The following CRYGA variants were observed in gnomAD, a reference collection of about 807,000 sequenced individuals.
CRYGA encodes gamma-crystallin A.
Under a neutral mutation model 13.8 loss-of-function variants are expected in CRYGA, and 11 were observed. That is an observed-to-expected ratio of 0.80 (90% CI 0.50 to 1.32). The LOEUF (loss-of-function observed/expected upper bound fraction) is 1.32, where lower values mean the gene tolerates loss of function less well. Ranked by LOEUF, CRYGA falls within the 40% of genes most tolerant of loss-of-function variation. The probability of loss-of-function intolerance (pLI) is 0.00; values close to 1 mark genes in which losing one functional copy is unlikely to be tolerated. For missense variants in CRYGA, 271 were observed against 234.1 expected, an observed-to-expected ratio of 1.16 and a Z score of -1.03; for synonymous variants, 97 against 89.3, an observed-to-expected ratio of 1.09 and a Z score of -0.48.
chr2:208,161,028 G>T lies in CRYGA; in HGVS notation c.301C>A (p.Leu101Ile). The change falls in exon 3 of 3, where the codon CTT (leucine) becomes ATT (isoleucine). Residue 101 changes from leucine (L) to isoleucine (I), a missense_variant. Transcript: ENST00000304502. ...RLYERDDYRG[L>I]MSELTDDCAC... is the part of the protein sequence containing the mutation. ...CAGTCATCAGTGAGCTCAGACATAA[G>T]GCCTCGGTAGTCATCTCTCTCGTAC... 1 of 1,614,116 alleles carries T rather than the reference G, an allele frequency of 6.2e-7. No individual in the cohort carries two copies.
At chr2:208,161,334 G>A (rs899158321) in intron 2 of CRYGA, among the ~76,000 whole-genome samples, 7 of 151,058 alleles carry the variant, frequency 4.6e-5, no homozygotes, top group Admixed American at 2.0e-4. Flanking sequence ...TGTGACACCC[G>A]GCTAATTTAT....
At position 208,163,428 on chromosome 2, in the gene CRYGA, G is replaced by A. The variant is rs146865595; in HGVS notation, c.28C>T (p.Arg10Ter). 3.0e-5 allele frequency: 48 copies of A among 1,613,568 alleles called. No homozygotes were observed. The African/African-American group carries it at 5.4e-4, about 18-fold the overall frequency. MGKITFYED[R>*]DFQGRCYNCI... ...TTGTAGCAGCGACCCTGAAAGTCTCGGTCCTCGTAGAAGGTGATCTGAGGT... is the reference window on the plus strand; with the variant it reads ...TTGTAGCAGCGACCCTGAAAGTCTCAGTCCTCGTAGAAGGTGATCTGAGGT... Residue 10 changes from arginine to a stop codon, truncating the protein, a stop_gained, in exon 2 of 3, where the codon CGA becomes TGA. Coordinates refer to ENST00000304502, the MANE Select transcript of CRYGA (RefSeq NM_014617.4). LOFTEE classifies it high-confidence loss of function.
chr2:208,162,831 G>A (rs1410614681), intron 2 of CRYGA, among the ~76,000 whole-genome samples: 1 of 148,790 alleles, frequency 6.7e-6, no homozygotes, highest in Non-Finnish European at 1.5e-5. Flanking sequence ...AAGAGCGAAA[G>A]CGAAGTTCTG....
At chr2:208,161,174 C>T in intron 2 of CRYGA, 98 bp from the exon 3 acceptor site, 2 of 1,207,224 alleles carry the variant, frequency 1.7e-6, no homozygotes, top group Non-Finnish European at 2.3e-6. Context: ...TGAAGCATGG[C>T]TTTTATTTTA....
In CRYGA at chr2:208,163,067, T is replaced by C. The variant is rs1574348107; in HGVS notation, c.252+137A>G. ...ATTATTGTTACTTTTTTTTTTTATA[T>C]ATGTTTGAGGGTCAGGCCTTGCTAT... On this transcript the variant is annotated intron_variant, in intron 2 of 2. Transcript: ENST00000304502. 4.4e-6 allele frequency: 3 copies of C among 686,756 alleles called. No individual in the cohort carries two copies. In the South Asian group the frequency reaches 5.9e-5, roughly 14 times the overall value. The allele number at this position is 686,756 out of a possible 1,614,324, so 42.5% of individuals were successfully genotyped here.
intron 2 of CRYGA, among the ~76,000 whole-genome samples, chr2:208,161,695 G>A (rs1246238983): frequency 1.3e-5 from 2 of 152,168 alleles, no homozygotes; most frequent in African/African-American, 4.8e-5. Flanking sequence ...AGTCTGTAGT[G>A]AGGATTTCAA....
At position 208,160,823 on chromosome 2, in the gene CRYGA, C is replaced by T. The variant is rs200186348; in HGVS notation, c.506G>A (p.Arg169Gln). ...CACAGCTTAGTACAAATCGGTGACC[C>T]GTCTCAAAGAGCCGACTTTGGCATC... ...GADAKVGSLRRVTDLY is the reference protein window; with the variant it reads ...GADAKVGSLRQVTDLY Residue 169 changes from arginine to glutamine, a missense_variant, in exon 3 of 3, where the codon CGG becomes CAG. Physicochemically the swap from Arg to Gln is conservative, Grantham distance 43. Transcript: ENST00000304502. 3.7e-5 allele frequency: 60 copies of T among 1,608,376 alleles called. No individual in the cohort carries two copies. In the East Asian group the frequency reaches 4.5e-4, roughly 12 times the overall value.
chr2:208,162,889 T>C lies in CRYGA; in HGVS notation c.252+315A>G, dbSNP rs575189502. ...GATAAACTAGATAGACTTTTCTTTT[T>C]TTTCTTTCTTTCTTTTTTTTTTTTT... On this transcript the variant is annotated intron_variant, in intron 2 of 2. Coordinates refer to ENST00000304502, the MANE Select transcript of CRYGA (RefSeq NM_014617.4). Among the ~76,000 whole-genome samples the C allele has an allele frequency of 4.0e-4, 51 of 126,016 alleles. No homozygotes were observed. The East Asian group carries it at 0.011, about 28-fold the overall frequency. 82.7% of individuals were successfully genotyped at this position (126,016 alleles called of 152,430 possible).
chr2:208,163,063 T>A (rs1264836795), intron 2 of CRYGA, 141 bp downstream of exon 2: 15 of 659,066 alleles, frequency 2.3e-5, no homozygotes, highest in Non-Finnish European at 3.1e-5. Flanking sequence ...TTTTTTTTTT[T>A]ATATATGTTT....
chr2:208,161,969 G>A (rs920705177), intron 2 of CRYGA, among the ~76,000 whole-genome samples: 6 of 151,628 alleles, frequency 4.0e-5, no homozygotes, highest in South Asian at 2.1e-4. Context: ...ACGAAGTCTC[G>A]CTCTGTCACC....
At chr2:208,163,090 T>C in intron 2 of CRYGA, 114 bp downstream of exon 2, 1 of 843,616 alleles carries the variant, frequency 1.2e-6, no homozygotes, top group South Asian at 1.6e-5. Flanking sequence ...CAGGCCTTGC[T>C]ATTCTTACTG....
intron 2 of CRYGA, among the ~76,000 whole-genome samples, chr2:208,162,341 A>G (rs10192127): frequency 0.35 from 53,955 of 152,024 alleles, 10,549 homozygotes; most frequent in East Asian, 0.54. Context: ...CAGCATTTTG[A>G]TGAGGACCAT....
Position 208,163,291 on chromosome 2 carries a change from C to G in CRYGA, c.165G>C (p.Gln55His), listed in dbSNP as rs1461590306. ...LYERPNYQGH[Q>H]YFLRRGKYPD... is the part of the protein sequence containing the mutation. ...GGTACTTGCCTCGGCGCAGGAAGTA[C>G]TGGTGGCCCTGGTAATTGGGACGCT... The change falls in exon 2 of 3, where the codon CAG (glutamine) becomes CAC (histidine). Residue 55 changes from glutamine to histidine, a missense_variant. Coordinates refer to ENST00000304502, the MANE Select transcript of CRYGA (RefSeq NM_014617.4). 1.9e-6 allele frequency: 3 copies of G among 1,614,064 alleles called. No homozygotes were observed. The South Asian group carries it at 3.3e-5, about 18-fold the overall frequency.
In CRYGA at chr2:208,160,824, G is replaced by A. The variant is rs764443753; in HGVS notation, c.505C>T (p.Arg169Trp). 4.4e-6 allele frequency: 7 copies of A among 1,608,832 alleles called. No homozygotes were observed. The highest frequency in any genetic ancestry group is 4.5e-5 in the East Asian group (2 of 44,860). ...GADAKVGSLR[R>W]VTDLY ...ACAGCTTAGTACAAATCGGTGACCC[G>A]TCTCAAAGAGCCGACTTTGGCATCT... Residue 169 changes from arginine to tryptophan, a missense_variant, in exon 3 of 3, where the codon CGG (arginine) becomes TGG (tryptophan). Coordinates refer to ENST00000304502, the MANE Select transcript of CRYGA (RefSeq NM_014617.4).
Position 208,160,946 on chromosome 2 carries a change from T to C in CRYGA, c.383A>G (p.Glu128Gly). The change falls in exon 3 of 3, where the codon GAG becomes GGG. Residue 128 changes from glutamate (E) to glycine (G), a missense_variant. By Grantham distance (98) the Glu-to-Gly change is moderately conservative (BLOSUM62 -2). Coordinates refer to ENST00000304502, the MANE Select transcript of CRYGA (RefSeq NM_014617.4). ...LPEIYSLHVL[E>G]GCWVLYEMPN... ...CATTTCATAGAGGACCCAGCAGCCC[T>C]CCAGTACGTGGAGGGAATAGATCTC... The C allele has an allele frequency of 6.2e-7, 1 of 1,613,762 alleles. No homozygotes were observed. Among genetic ancestry groups the C allele is most frequent in the Non-Finnish European group, 8.5e-7 (1 of 1,179,928 alleles).
chr2:208,160,828 C>CA lies in CRYGA; in HGVS notation c.500dup (p.Leu167PhefsTer22). The stretch of plus-strand genomic sequence containing the variant: ...CTTAGTACAAATCGGTGACCCGTCT[C>CA]AAAGAGCCGACTTTGGCATCTGCAC... On this transcript the variant is annotated frameshift_variant, in exon 3 of 3. Coordinates refer to ENST00000304502, the MANE Select transcript of CRYGA (RefSeq NM_014617.4). LOFTEE classifies it high-confidence loss of function. The CA allele has an allele frequency of 1.2e-6, 2 of 1,611,198 alleles. No homozygotes were observed. Among genetic ancestry groups the CA allele is most frequent in the Non-Finnish European group, 1.7e-6 (2 of 1,177,484 alleles).
intron 2 of CRYGA, among the ~76,000 whole-genome samples, chr2:208,162,744 C>G (rs538523056): frequency 2.0e-5 from 3 of 152,014 alleles, no homozygotes; most frequent in East Asian, 3.9e-4. Flanking sequence ...GAGGCTGAGG[C>G]GGGAGAATCG....
At position 208,160,872 on chromosome 2, in the gene CRYGA, T is replaced by G; in HGVS notation, c.457A>C (p.Arg153=). The stretch of plus-strand genomic sequence containing the variant: ...TCTGCACCCCCCCAGTCGTGGTACC[T>G]TCTGTAGTCCCCAGGCCTCAGCAGA... The part of the protein sequence containing the change: ...QYLLRPGDYR[R]YHDWGGADAK... The change falls in exon 3 of 3, where the codon AGG becomes CGG. Residue 153 remains arginine (R), a synonymous_variant. Coordinates refer to ENST00000304502, the MANE Select transcript of CRYGA (RefSeq NM_014617.4). 6.2e-7 allele frequency: 1 copy of G among 1,612,428 alleles called. No homozygotes were observed. Among genetic ancestry groups the G allele is most frequent in the Non-Finnish European group, 8.5e-7 (1 of 1,178,536 alleles).
intron 2 of CRYGA, 39 bp from the exon 3 acceptor site, chr2:208,161,115 A>G: frequency 6.3e-7 from 1 of 1,597,868 alleles, no homozygotes; most frequent in Non-Finnish European, 8.6e-7. Context: ...AATAAACAGC[A>G]TGCATCCTTG....
Sources: gnomAD v4.1 joint callset for allele counts (sites outside exome capture counted in the v4.1 genomes callset) on GRCh38, gnomAD v4.1.1 for gene constraint, MANE v1.5 for transcripts, NCBI Gene and HGNC (gene_info 2026-07-23, HGNC 2026-07-21) for gene names.